The following LRIT3 variants were observed in gnomAD, a reference collection of about 807,000 sequenced individuals.
LRIT3 encodes the protein leucine rich repeat, Ig-like and transmembrane domains 3.
LRIT3 carries 14 observed loss-of-function variants against 22.6 expected under a neutral mutation model. That is an observed-to-expected ratio of 0.62 (90% CI 0.41 to 0.97). The LOEUF (loss-of-function observed/expected upper bound fraction) is 0.97. Ranked by LOEUF, LRIT3 falls within the 50% of genes least tolerant of loss-of-function variation. The pLI, the probability that LRIT3 is intolerant of heterozygous loss-of-function variation, is 0.00. For missense variants in LRIT3, 783 were observed against 803.0 expected, an observed-to-expected ratio of 0.98 and a Z score of 0.30; for synonymous variants, 306 against 304.5, an observed-to-expected ratio of 1.01 and a Z score of -0.05.
In LRIT3 at chr4:109,872,083, C is replaced by T. The variant is rs1734851487; in HGVS notation, c.*1294C>T. 6.6e-6 allele frequency: 1 copy of T among 152,140 alleles called. No homozygotes were observed. The highest frequency in any genetic ancestry group is 1.9e-4 in the East Asian group (1 of 5,194). 9.4% of individuals were successfully genotyped at this position (152,140 alleles called of 1,614,324 possible). ...ACTTTCATAAATTTTAGAACAAAGC[C>T]TAACCTTACTAGATTAAACTTGCTC... On this transcript the variant is annotated 3_prime_UTR_variant, in exon 4 of 4. Transcript: ENST00000594814.
intron 2 of LRIT3, among the ~76,000 whole-genome samples, chr4:109,866,137 A>T (rs1207184329): frequency 2.6e-5 from 4 of 152,206 alleles, no homozygotes; most frequent in East Asian, 3.8e-4. Flanking sequence ...TATAATTTTT[A>T]AAAAGTATAA....
intron 2 of LRIT3, chr4:109,865,247 T>A: frequency 5.1e-6 from 8 of 1,568,824 alleles, no homozygotes; most frequent in Non-Finnish European, 6.9e-6. Flanking sequence ...TGGTTGAGCC[T>A]CATCAGGAAC....
intron 2 of LRIT3, chr4:109,865,069 G>T (rs750743836): frequency 1.1e-5 from 15 of 1,411,656 alleles, no homozygotes; most frequent in South Asian, 1.7e-5. Flanking sequence ...TTAGTTTGTT[G>T]TTCCATCTTT....
Position 109,869,999 on chromosome 4 carries a change from C to T in LRIT3, c.1250C>T (p.Ser417Phe), listed in dbSNP as rs1486957859. The change falls in exon 4 of 4, where the codon TCC (serine) becomes TTC (phenylalanine). Residue 417 changes from serine to phenylalanine, a missense_variant. Ser to Phe is a radical substitution (Grantham distance 155). This residue lies in a region of LRIT3 where 756 missense variants were observed against 753.8 expected (regional missense o/e 1.00). Transcript: ENST00000594814. ...TCCTTCTCTTTATCTCCTTTCTCCTCCTCCACTGTTTCTTCAACCACAACT... is the reference window on the plus strand; with the variant it reads ...TCCTTCTCTTTATCTCCTTTCTCCTTCTCCACTGTTTCTTCAACCACAACT... ...TASFSLSPFS[S>F]STVSSTTTLS... 2 of 1,614,194 alleles carry T rather than the reference C, an allele frequency of 1.2e-6. No homozygotes were observed. Among genetic ancestry groups the T allele is most frequent in the Admixed American group, 1.7e-5 (1 of 60,028 alleles).
chr4:109,856,473 T>A (rs1734404977), intron 2 of LRIT3, among the ~76,000 whole-genome samples: 1 of 152,186 alleles, frequency 6.6e-6, no homozygotes, highest in South Asian at 2.1e-4. Flanking sequence ...TGAGATTAGA[T>A]AACCCCTCAG....
intron 2 of LRIT3, chr4:109,865,237 T>C: frequency 6.4e-7 from 1 of 1,550,942 alleles, no homozygotes; most frequent in Non-Finnish European, 8.8e-7. Context: ...AATTAACTAA[T>C]GGTTGAGCCT....
chr4:109,861,291 G>A (rs1734539376), intron 2 of LRIT3, among the ~76,000 whole-genome samples: 1 of 151,506 alleles, frequency 6.6e-6, no homozygotes, highest in Admixed American at 6.6e-5. Context: ...CTGGGAGGCA[G>A]ATGTTGCAGT....
intron 3 of LRIT3, among the ~76,000 whole-genome samples, chr4:109,868,553 A>C (rs896788500): frequency 0.035 from 1,132 of 32,106 alleles, 15 homozygotes; most frequent in African/African-American, 0.068. Context: ...GACTGTCTTA[A>C]AAAAAAAAAA....
chr4:109,849,018 G>C (rs1734143816), intron 1 of LRIT3, among the ~76,000 whole-genome samples: 1 of 152,060 alleles, frequency 6.6e-6, no homozygotes, highest in Non-Finnish European at 1.5e-5. Context: ...AAACACAGTA[G>C]AACTTGAATT....
At chr4:109,854,290 A>G (rs1734348330) in intron 2 of LRIT3, among the ~76,000 whole-genome samples, 2 of 152,196 alleles carry the variant, frequency 1.3e-5, no homozygotes, top group African/African-American at 4.8e-5. Flanking sequence ...TTCTCCTTAA[A>G]GAGATCCTTC....
intron 1 of LRIT3, among the ~76,000 whole-genome samples, chr4:109,850,484 T>TTTCTTTC (rs1310169164): frequency 1.4e-5 from 2 of 142,986 alleles, no homozygotes; most frequent in Non-Finnish European, 3.0e-5. Flanking sequence ...TCTTTCTTTC[T>TTTCTTTC]TTTCTATTTT....
chr4:109,868,016 T>C, intron 3 of LRIT3, 70 bp downstream of exon 3: 1 of 1,455,816 alleles, frequency 6.9e-7, no homozygotes, highest in Non-Finnish European at 9.3e-7. Context: ...ATGTGTTGTG[T>C]GATTTGAAAT....
At position 109,867,855 on chromosome 4, in the gene LRIT3, C is replaced by A; in HGVS notation, c.804C>A (p.Gly268=). The A allele has an allele frequency of 1.2e-6, 2 of 1,614,114 alleles. No homozygotes were observed. The highest frequency in any genetic ancestry group is 1.3e-5 in the African/African-American group (1 of 75,038). ...CCACCAAAATCATGTCTGCTCTGGGCAGTAATGTTCTACTGCGGTGTGATG... is the reference window on the plus strand; with the variant it reads ...CCACCAAAATCATGTCTGCTCTGGGAAGTAATGTTCTACTGCGGTGTGATG... ...TSATKIMSAL[G]SNVLLRCDAT... Residue 268 remains glycine (G), a synonymous_variant, in exon 3 of 4, where the codon GGC becomes GGA. Transcript: ENST00000594814.
intron 2 of LRIT3, among the ~76,000 whole-genome samples, chr4:109,858,920 A>G (rs560290251): frequency 5.9e-5 from 9 of 152,320 alleles, no homozygotes; most frequent in African/African-American, 2.2e-4. Flanking sequence ...TGAGCTCACT[A>G]GGAATTCCCA....
chr4:109,865,217 C>T, intron 2 of LRIT3: 1 of 1,512,260 alleles, frequency 6.6e-7, no homozygotes, highest in South Asian at 1.2e-5. Context: ...TTGCATCACC[C>T]AGGTCACAGA....
Position 109,848,189 on chromosome 4 carries a change from T to A in LRIT3, c.-13T>A. ...GTTTTTACCTTTTGTTTAAATAACC[T>A]CTAAAAGGAGCAATGCATCTCTTTG... On this transcript the variant is annotated 5_prime_UTR_variant, in exon 1 of 4. Transcript: ENST00000594814. The A allele has an allele frequency of 3.3e-6, 4 of 1,219,474 alleles. No individual in the cohort carries two copies. The highest frequency in any genetic ancestry group is 4.1e-6 in the Non-Finnish European group (4 of 976,476). The allele number at this position is 1,219,474 out of a possible 1,614,324, so 75.5% of individuals were successfully genotyped here. A position where few individuals can be genotyped will look rare whatever the true frequency, so the allele number is the denominator to read the frequency against.
At chr4:109,861,502 T>TC (rs1348312685) in intron 2 of LRIT3, among the ~76,000 whole-genome samples, 3 of 151,426 alleles carry the variant, frequency 2.0e-5, no homozygotes, top group Non-Finnish European at 4.4e-5. Flanking sequence ...CTTTTTCATT[T>TC]CAGCTATTCT....
In LRIT3 at chr4:109,871,965, A is replaced by G. The variant is rs367574898; in HGVS notation, c.*1176A>G. 1.3e-4 allele frequency: 20 copies of G among 152,384 alleles called. No homozygotes were observed. In the East Asian group the frequency reaches 2.5e-3, roughly 19 times the overall value. The allele number at this position is 152,384 out of a possible 1,614,324, so 9.4% of individuals were successfully genotyped here. A position where few individuals can be genotyped will look rare whatever the true frequency, so the allele number is the denominator to read the frequency against. The stretch of plus-strand genomic sequence containing the variant: ...TAACGATAGCGATAAGGCCCACTCA[A>G]GCATCTCACAGTGGTGATATTACAT... On this transcript the variant is annotated 3_prime_UTR_variant, in exon 4 of 4. Transcript: ENST00000594814.
chr4:109,855,182 G>A (rs1009520244), intron 2 of LRIT3, among the ~76,000 whole-genome samples: 1 of 152,066 alleles, frequency 6.6e-6, no homozygotes, highest in Non-Finnish European at 1.5e-5. Flanking sequence ...GCTGTTTTTG[G>A]TTGGTAGGCT....
Sources: allele counts gnomAD v4.1 joint callset (sites outside exome capture counted in the v4.1 genomes callset), GRCh38; gene constraint gnomAD v4.1.1; regional missense constraint gnomAD v4.1.1; transcripts MANE v1.5; gene names NCBI Gene and HGNC (gene_info 2026-07-23, HGNC 2026-07-21).